CAMTA1: variants seen among roughly 807,000 people sequenced by gnomAD.
CAMTA1 encodes calmodulin-binding transcription activator 1.
Under a neutral mutation model 170.9 loss-of-function variants are expected in CAMTA1, and 27 were observed. That is an observed-to-expected ratio of 0.16 (90% CI 0.12 to 0.22). The LOEUF is 0.22. Ranked by LOEUF, CAMTA1 falls within the 10% of genes least tolerant of loss-of-function variation. The pLI is 1.00. For missense variants in CAMTA1, 1,619 were observed against 2,217.2 expected (o/e 0.73, Z 5.42); for synonymous variants, 833 against 891.5 (o/e 0.93, Z 1.17).
At chr1:7,171,070 G>A (rs998551720) in intron 4 of CAMTA1, among the ~76,000 whole-genome samples, 2 of 152,146 alleles carry the variant, frequency 1.3e-5, no homozygotes, top group Non-Finnish European at 2.9e-5. Flanking sequence ...CCTTTTAATG[G>A]TGGATTTGTT....
At chr1:7,479,692 C>T (rs543272235) in intron 6 of CAMTA1, among the ~76,000 whole-genome samples, 9 of 152,316 alleles carry the variant, frequency 5.9e-5, no homozygotes, top group African/African-American at 2.2e-4. Flanking sequence ...AGCCTGAAGC[C>T]TCTGGAACCT....
intron 4 of CAMTA1, among the ~76,000 whole-genome samples, chr1:7,097,378 T>C (rs1212834284): frequency 6.6e-6 from 1 of 152,208 alleles, no homozygotes; most frequent in Non-Finnish European, 1.5e-5. Flanking sequence ...GTGCCTGCCA[T>C]CCATGGGGTT....
At chr1:7,594,390 G>A (rs1437738681) in intron 6 of CAMTA1, among the ~76,000 whole-genome samples, 1 of 152,206 alleles carries the variant, frequency 6.6e-6, no homozygotes, top group Non-Finnish European at 1.5e-5. Context: ...AAAGGAAACA[G>A]GGGCAGAGCT....
At chr1:7,706,848 T>C (rs1298931267) in intron 11 of CAMTA1, among the ~76,000 whole-genome samples, 1 of 152,122 alleles carries the variant, frequency 6.6e-6, no homozygotes, top group Non-Finnish European at 1.5e-5. Context: ...GGATTTGGCT[T>C]TGGTGATACC....
chr1:6,871,719 A>G (rs1668455174), intron 3 of CAMTA1: 3 of 1,505,356 alleles, frequency 2.0e-6, no homozygotes, highest in Non-Finnish European at 2.7e-6. Context: ...ATTCTCAGAG[A>G]TACTAGTTTT....
intron 7 of CAMTA1, among the ~76,000 whole-genome samples, chr1:7,652,048 C>A (rs530760391): frequency 6.6e-6 from 1 of 152,246 alleles, no homozygotes; most frequent in South Asian, 2.1e-4. Context: ...GGGTCCCCTC[C>A]CACCCCCACC....
At chr1:6,978,643 C>CAT (rs1225133469) in intron 3 of CAMTA1, among the ~76,000 whole-genome samples, 2 of 150,244 alleles carry the variant, frequency 1.3e-5, no homozygotes, top group East Asian at 1.9e-4. Flanking sequence ...AAAAAAAATA[C>CAT]ATATATATAG....
intron 5 of CAMTA1, among the ~76,000 whole-genome samples, chr1:7,355,061 C>A (rs1215257595): frequency 6.6e-6 from 1 of 151,990 alleles, no homozygotes; most frequent in Admixed American, 6.6e-5. Flanking sequence ...CAAAAATTAT[C>A]CAGGCATGGT....
At chr1:6,880,383 G>GTTTTTTTTTTT (rs34745856) in intron 3 of CAMTA1, among the ~76,000 whole-genome samples, 5 of 67,206 alleles carry the variant, frequency 7.4e-5, no homozygotes, top group Admixed American at 2.1e-4. Context: ...CTCTAAAAGT[G>GTTTTTTTTTTT]TTTTTTTTTT....
At chr1:7,263,604 G>A (rs1668485867) in intron 5 of CAMTA1, among the ~76,000 whole-genome samples, 1 of 152,186 alleles carries the variant, frequency 6.6e-6, no homozygotes, top group South Asian at 2.1e-4. Context: ...GGTATTGAGT[G>A]CATAACCCTT....
chr1:7,410,927 G>A (rs1028991684), intron 5 of CAMTA1, among the ~76,000 whole-genome samples: 1 of 151,548 alleles, frequency 6.6e-6, no homozygotes, highest in Admixed American at 6.6e-5. Flanking sequence ...GTGTGTGTAT[G>A]TCTGTGTGTA....
chr1:6,917,800 C>T (rs908078658), intron 3 of CAMTA1, among the ~76,000 whole-genome samples: 3 of 138,542 alleles, frequency 2.2e-5, no homozygotes, highest in African/African-American at 5.6e-5. Flanking sequence ...GAGGGGGCCC[C>T]GAGAAAGACG....
At chr1:7,551,120 GA>G (rs2094795668) in intron 6 of CAMTA1, among the ~76,000 whole-genome samples, 1 of 152,114 alleles carries the variant, frequency 6.6e-6, no homozygotes. Flanking sequence ...GAAGCACCAC[GA>G]GGTTACTCAC....
intron 6 of CAMTA1, among the ~76,000 whole-genome samples, chr1:7,560,190 C>T (rs1327608767): frequency 5.9e-5 from 9 of 152,216 alleles, no homozygotes; most frequent in African/African-American, 1.7e-4. Flanking sequence ...GGCAGCAGGG[C>T]CCCCTGGCAC....
intron 3 of CAMTA1, among the ~76,000 whole-genome samples, chr1:6,980,569 G>A (rs1355653943): frequency 6.6e-6 from 1 of 152,156 alleles, no homozygotes; most frequent in Non-Finnish European, 1.5e-5. Context: ...ATCTTGAATT[G>A]TAGCTCCCAT....
In CAMTA1 at chr1:7,421,309, C is replaced by T. The variant is rs2091546954; in HGVS notation, c.439-46521C>T. Among the ~76,000 whole-genome samples, 4 of 152,076 alleles carry T rather than the reference C, an allele frequency of 2.6e-5. No homozygotes were observed. The South Asian group carries it at 8.3e-4, about 31-fold the overall frequency. ...CTGGGATTACAGGCGCCCGCCACCA[C>T]ACCCAGCTAATTTTTGTAATTTTTA... On this transcript the variant is annotated intron_variant, in intron 5 of 22. Transcript: ENST00000303635.
At chr1:7,385,489 A>G (rs1260704882) in intron 5 of CAMTA1, among the ~76,000 whole-genome samples, 1 of 152,100 alleles carries the variant, frequency 6.6e-6, no homozygotes, top group Non-Finnish European at 1.5e-5. Context: ...TACATTTCCA[A>G]ATGTGCAAGT....
In CAMTA1 at chr1:7,681,698, T is replaced by C. The variant is rs1352327691; in HGVS notation, c.2914+3965T>C. ...TCACTTATACCTGTGATAGGTCCTATGGATACAACAGCCAGGGCCGTGCTG... is the reference window on the plus strand; with the variant it reads ...TCACTTATACCTGTGATAGGTCCTACGGATACAACAGCCAGGGCCGTGCTG... On this transcript the variant is annotated intron_variant, in intron 11 of 22. Coordinates refer to ENST00000303635, the MANE Select transcript of CAMTA1 (RefSeq NM_015215.4). This position sits in a 1 kb window ranked among gnomAD's most constrained non-coding sequence, Gnocchi z 4.6. Among the ~76,000 whole-genome samples the C allele has an allele frequency of 6.6e-6, 1 of 152,204 alleles. No homozygotes were observed. The highest frequency in any genetic ancestry group is 1.5e-5 in the Non-Finnish European group (1 of 68,040).
At chr1:7,697,216 C>T (rs909850342) in intron 11 of CAMTA1, among the ~76,000 whole-genome samples, 1 of 152,174 alleles carries the variant, frequency 6.6e-6, no homozygotes, top group Non-Finnish European at 1.5e-5. Context: ...CAGGAGGACC[C>T]GAAGTGATGG....
Sources: allele counts gnomAD v4.1 joint callset (sites outside exome capture counted in the v4.1 genomes callset), GRCh38; gene constraint gnomAD v4.1.1; non-coding constraint Gnocchi (gnomAD v3.1); transcripts MANE v1.5; gene names NCBI Gene and HGNC (gene_info 2026-07-23, HGNC 2026-07-21).